The following BCAT1 variants were observed in gnomAD, a reference collection of about 807,000 sequenced individuals.
The protein encoded by BCAT1 is branched-chain-amino-acid aminotransferase, cytosolic.
In BCAT1, 48 loss-of-function variants were observed where a neutral mutation model predicts 52.4. The ratio of observed to expected loss-of-function variants is 0.92; its 90% CI spans 0.73 to 1.16. The LOEUF (loss-of-function observed/expected upper bound fraction) is 1.16, where lower values mean the gene tolerates loss of function less well. Among genes scored for constraint, BCAT1 ranks in the 50% most tolerant of loss-of-function variants. The pLI is 0.00. For missense variants in BCAT1, 451 were observed against 457.1 expected (o/e 0.99, Z 0.12); for synonymous variants, 167 against 161.3 (o/e 1.04, Z -0.27).
chr12:24,919,999 A>G (rs1943479082), intron 1 of BCAT1, among the ~76,000 whole-genome samples: 1 of 152,192 alleles, frequency 6.6e-6, no homozygotes, highest in East Asian at 1.9e-4. Flanking sequence ...GAGTCCATTA[A>G]ACCTCTTTTT....
At chr12:24,862,153 G>T (rs565999603) in intron 5 of BCAT1, among the ~76,000 whole-genome samples, 84 of 152,300 alleles carry the variant, frequency 5.5e-4, no homozygotes, top group East Asian at 5.8e-4. Context: ...CTTCAGTGCT[G>T]CTCTGCTTAT....
chr12:24,822,974 T>C (rs1566552725), intron 10 of BCAT1, among the ~76,000 whole-genome samples: 2 of 152,062 alleles, frequency 1.3e-5, no homozygotes, highest in Non-Finnish European at 2.9e-5. Context: ...GCTTAAACTA[T>C]ATATTTTACT....
intron 1 of BCAT1, among the ~76,000 whole-genome samples, chr12:24,918,387 A>G (rs893469751): frequency 6.6e-6 from 1 of 152,190 alleles, no homozygotes; most frequent in Admixed American, 6.5e-5. Context: ...CTGGATGTCC[A>G]TATCAGATTT....
At chr12:24,891,067 TG>T (rs777780715) in intron 3 of BCAT1, among the ~76,000 whole-genome samples, 4 of 152,080 alleles carry the variant, frequency 2.6e-5, no homozygotes, top group Non-Finnish European at 4.4e-5. Context: ...AAAACTCGGT[TG>T]GAGAATTTTT....
rs79908130 is a variant in BCAT1 at position 24,843,074 on chromosome 12, G to A, written c.675-850C>T. ...CTCAGTAGGTCTGAGAAGTACTGCC[G>A]TAAGACAGTCAGGGATCGGGAATAA... On this transcript the variant is annotated intron_variant, in intron 6 of 10. Coordinates refer to ENST00000261192, the MANE Select transcript of BCAT1 (RefSeq NM_005504.7). Among the ~76,000 whole-genome samples the A allele has an allele frequency of 7.0e-4, 107 of 152,234 alleles. 1 individual carries two copies. In the East Asian group the frequency reaches 0.019, roughly 28 times the overall value.
intron 5 of BCAT1, among the ~76,000 whole-genome samples, chr12:24,864,967 CTT>C (rs751726678): frequency 7.9e-5 from 12 of 152,190 alleles, no homozygotes; most frequent in Non-Finnish European, 1.6e-4. Context: ...CTAAACCTCT[CTT>C]GTTTTTCTTT....
At chr12:24,830,118 A>G in intron 9 of BCAT1, 1 of 387,094 alleles carries the variant, frequency 2.6e-6, no homozygotes, top group Non-Finnish European at 4.6e-6. Flanking sequence ...TTGCCTACCT[A>G]CCAATTAATT....
intron 1 of BCAT1, chr12:24,903,090 C>G (rs778684450): frequency 2.2e-5 from 30 of 1,369,092 alleles, no homozygotes; most frequent in Non-Finnish European, 2.3e-5. Flanking sequence ...GCGCACGGCC[C>G]ATAGGGCGCT....
chr12:24,931,310 A>T (rs1479101226), intron 1 of BCAT1, among the ~76,000 whole-genome samples: 2 of 152,164 alleles, frequency 1.3e-5, no homozygotes, highest in East Asian at 3.8e-4. Flanking sequence ...TCTTTCTCCC[A>T]CCTCAAAAAT....
At chr12:24,886,409 A>C (rs1942663202) in intron 3 of BCAT1, among the ~76,000 whole-genome samples, 2 of 152,202 alleles carry the variant, frequency 1.3e-5, no homozygotes, top group Middle Eastern at 3.4e-3. Flanking sequence ...GTCTCAAATA[A>C]ATAAATAAAA....
chr12:24,948,160 C>T (rs1324366568), intron 1 of BCAT1, among the ~76,000 whole-genome samples: 2 of 152,200 alleles, frequency 1.3e-5, no homozygotes, highest in African/African-American at 2.4e-5. Context: ...AATATCTGCC[C>T]ATCCTTCACT....
intron 1 of BCAT1, among the ~76,000 whole-genome samples, chr12:24,915,395 G>T (rs2139709439): frequency 6.6e-6 from 1 of 152,162 alleles, no homozygotes; most frequent in East Asian, 1.9e-4. Flanking sequence ...GATTAAAAAG[G>T]TTATTTTTAT....
chr12:24,928,478 A>G (rs2139737161), intron 1 of BCAT1, among the ~76,000 whole-genome samples: 1 of 152,122 alleles, frequency 6.6e-6, no homozygotes, highest in South Asian at 2.1e-4. Flanking sequence ...CTCTATAAGA[A>G]ATAAAAAATA....
chr12:24,902,660 C>T (rs779821496), intron 1 of BCAT1: 22 of 502,852 alleles, frequency 4.4e-5, no homozygotes, highest in Admixed American at 8.3e-5. Context: ...TCCATAGCTA[C>T]CCTCACGTCC....
intron 5 of BCAT1, among the ~76,000 whole-genome samples, chr12:24,853,952 C>A (rs1372345739): frequency 6.6e-6 from 1 of 152,126 alleles, no homozygotes; most frequent in Non-Finnish European, 1.5e-5. Flanking sequence ...CAAGAGACCA[C>A]ATTGACTTTG....
intron 5 of BCAT1, among the ~76,000 whole-genome samples, chr12:24,860,977 T>C (rs553924354): frequency 2.0e-5 from 3 of 152,380 alleles, no homozygotes; most frequent in African/African-American, 4.8e-5. Context: ...ATTATTGCTA[T>C]GCTTTATACA....
intron 3 of BCAT1, among the ~76,000 whole-genome samples, chr12:24,887,080 A>AAAAAAAAAAAAAAAAATAT (rs1245203518): frequency 1.7e-4 from 7 of 40,744 alleles, no homozygotes; most frequent in African/African-American, 3.1e-4. Flanking sequence ...AAAAAAAAAA[A>AAAAAAAAAAAAAAAAATAT]ATATATATAT....
chr12:24,823,113 T>C (rs1031025883), intron 10 of BCAT1, among the ~76,000 whole-genome samples: 2 of 151,826 alleles, frequency 1.3e-5, no homozygotes, highest in Admixed American at 1.3e-4. Flanking sequence ...TGGAGTGCAG[T>C]GGTGCTATCA....
chr12:24,943,991 G>GAAA (rs147669546), intron 1 of BCAT1, among the ~76,000 whole-genome samples: 1 of 139,754 alleles, frequency 7.2e-6, no homozygotes, highest in South Asian at 2.2e-4. Flanking sequence ...CTCAACAAAA[G>GAAA]AAAAAAAAAA....
Sources: allele counts gnomAD v4.1 joint callset (sites outside exome capture counted in the v4.1 genomes callset), GRCh38; gene constraint gnomAD v4.1.1; transcripts MANE v1.5; gene names NCBI Gene and HGNC (gene_info 2026-07-23, HGNC 2026-07-21).